TMEM134: variants seen among roughly 807,000 people sequenced by gnomAD.
The protein encoded by TMEM134 is transmembrane protein 134.
TMEM134 carries 36 observed loss-of-function variants against 26.2 expected under a neutral mutation model. That is an observed-to-expected ratio of 1.37 (90% CI 1.05 to 1.81). The LOEUF (loss-of-function observed/expected upper bound fraction) is 1.81. TMEM134 is among the 40% of genes most tolerant of loss of function. The pLI, the probability that TMEM134 is intolerant of heterozygous loss-of-function variation, is 0.00. For synonymous variants in TMEM134, 133 were observed against 113.6 expected (o/e 1.17, Z -1.08); for missense variants, 339 against 263.5 (o/e 1.29, Z -1.98).
At position 67,464,334 on chromosome 11, in the gene TMEM134, CAGG is replaced by C. The variant is rs57159660; in HGVS notation, c.*277_*279del. The C allele has an allele frequency of 0.047, 24,084 of 515,574 alleles. 4,557 individuals are homozygous for C. The highest frequency in any genetic ancestry group is 0.41 in the African/African-American group (21,328 of 51,722). 31.9% of individuals were successfully genotyped at this position (515,574 alleles called of 1,614,324 possible). A position where few individuals can be genotyped will look rare whatever the true frequency, so the allele number is the denominator to read the frequency against. ...GTGGGCTGGGCTAGCAGTGGCAGGA[CAGG>C]AGGAGAGCAATTGCCTCTGGTGGAA... On this transcript the variant is annotated 3_prime_UTR_variant, in exon 7 of 7. Coordinates refer to ENST00000308022, the MANE Select transcript of TMEM134 (RefSeq NM_025124.4).
intron 4 of TMEM134, chr11:67,465,453 C>A (rs148772280): frequency 1.5e-4 from 42 of 285,194 alleles, no homozygotes; most frequent in African/African-American, 9.0e-4. Flanking sequence ...TGAAAGCTAA[C>A]AGTACAGGTG....
chr11:67,467,803 G>A (rs1450700143), intron 2 of TMEM134: 2 of 655,474 alleles, frequency 3.1e-6, no homozygotes, highest in Non-Finnish European at 2.6e-6. Context: ...ATGAAGGTGG[G>A]GGCCAGACCA....
chr11:67,463,557 CTT>C lies in TMEM134; in HGVS notation c.*1055_*1056del, dbSNP rs11285778. On this transcript the variant is annotated 3_prime_UTR_variant, in exon 7 of 7. Transcript: ENST00000308022. Reference sequence around the variant, plus strand: ...CGCAGGGCCTAGTATATTTTCTTTTCTTTTTTTTTTTTTAAATAGAGATGGGT... The same window carrying C: ...CGCAGGGCCTAGTATATTTTCTTTTCTTTTTTTTTTTAAATAGAGATGGGT... 4.1e-4 allele frequency: 61 copies of C among 147,444 alleles called. No homozygotes were observed. Among genetic ancestry groups the C allele is most frequent in the African/African-American group, 8.5e-4 (34 of 40,200 alleles). The allele number at this position is 147,444 out of a possible 1,614,324, so 9.1% of individuals were successfully genotyped here. A position where few individuals can be genotyped will look rare whatever the true frequency, so the allele number is the denominator to read the frequency against.
Position 67,462,182 on chromosome 11 carries a change from A to G in TMEM134, c.*2432T>C, listed in dbSNP as rs913691928. ...GACTCGTCTCAAAAAAAAAACAAAA[A>G]AAAAAAAAACAAGGAGTAAAAAGTT... On this transcript the variant is annotated 3_prime_UTR_variant, in exon 7 of 7. Transcript: ENST00000308022. 1 of 151,644 alleles carries G rather than the reference A, an allele frequency of 6.6e-6. No individual in the cohort carries two copies. The highest frequency in any genetic ancestry group is 2.1e-4 in the South Asian group (1 of 4,800). The allele number at this position is 151,644 out of a possible 1,614,324, so 9.4% of individuals were successfully genotyped here. A position where few individuals can be genotyped will look rare whatever the true frequency, so the allele number is the denominator to read the frequency against.
chr11:67,464,325 G>A lies in TMEM134; in HGVS notation c.*289C>T, dbSNP rs761377193. ...GTCAGGCTGGTGGGCTGGGCTAGCA[G>A]TGGCAGGACAGGAGGAGAGCAATTG... On this transcript the variant is annotated 3_prime_UTR_variant, in exon 7 of 7. Transcript: ENST00000308022. 1.0e-5 allele frequency: 5 copies of A among 492,930 alleles called. No homozygotes were observed. Among genetic ancestry groups the A allele is most frequent in the Non-Finnish European group, 1.5e-5 (4 of 275,590 alleles). 30.5% of individuals were successfully genotyped at this position (492,930 alleles called of 1,614,324 possible).
At chr11:67,465,156 C>T in intron 4 of TMEM134, 56 bp from the exon 5 acceptor site, 3 of 1,534,650 alleles carry the variant, frequency 2.0e-6, no homozygotes, top group Non-Finnish European at 2.6e-6. Context: ...AGGGCGGGGG[C>T]TCCCACCCCC....
chr11:67,468,993 G>A (rs1158733637), intron 1 of TMEM134, 26 bp downstream of exon 1: 3 of 1,459,844 alleles, frequency 2.1e-6, no homozygotes, highest in South Asian at 1.3e-5. Flanking sequence ...CCGGGGGCAG[G>A]GGGTTAGGTG....
Position 67,464,842 on chromosome 11 carries a change from T to A in TMEM134, c.466A>T (p.Ile156Phe). 2 of 1,610,370 alleles carry A rather than the reference T, an allele frequency of 1.2e-6. No individual in the cohort carries two copies. Among genetic ancestry groups the A allele is most frequent in the East Asian group, 2.2e-5 (1 of 44,852 alleles). Residue 156 changes from isoleucine (I) to phenylalanine (F), a missense_variant, in exon 6 of 7, where the codon ATC becomes TTC. Physicochemically the swap from Ile to Phe is conservative, Grantham distance 21 (BLOSUM62 0). Coordinates refer to ENST00000308022, the MANE Select transcript of TMEM134 (RefSeq NM_025124.4). ...ATPSPGVSSAIFFVPGFLLLV... is the reference protein window; with the variant it reads ...ATPSPGVSSAFFFVPGFLLLV... ...AACAGGAAGCCCGGCACGAAGAAGA[T>A]GGCGCTGGAGACACCTGCGGGAGGG...
rs1865111390 is a variant in TMEM134 at position 67,464,511 on chromosome 11, G to A, written c.*103C>T. ...TCCTGAGCAAACTCCCTAGGGGCTGGGGTTTCGAGGGTCCTGGAGGGCCTC... is the reference window on the plus strand; with the variant it reads ...TCCTGAGCAAACTCCCTAGGGGCTGAGGTTTCGAGGGTCCTGGAGGGCCTC... On this transcript the variant is annotated 3_prime_UTR_variant, in exon 7 of 7. Coordinates refer to ENST00000308022, the MANE Select transcript of TMEM134 (RefSeq NM_025124.4). 1.6e-6 allele frequency: 2 copies of A among 1,235,658 alleles called. No individual in the cohort carries two copies. The highest frequency in any genetic ancestry group is 1.3e-5 in the South Asian group (1 of 76,652). 76.5% of individuals were successfully genotyped at this position (1,235,658 alleles called of 1,614,324 possible).
intron 5 of TMEM134, 57 bp from the exon 6 acceptor site, chr11:67,464,913 C>CG: frequency 6.3e-7 from 1 of 1,593,642 alleles, no homozygotes. Context: ...CGAGGCCTTC[C>CG]GGGCTGCCGC....
chr11:67,468,144 A>C (rs1408078914), intron 1 of TMEM134, 52 bp from the exon 2 acceptor site: 1 of 1,505,542 alleles, frequency 6.6e-7, no homozygotes, highest in Non-Finnish European at 9.0e-7. Context: ...GCCCTTCCTC[A>C]CTCCCTCCCG....
At chr11:67,467,145 C>T in intron 4 of TMEM134, 167 bp downstream of exon 4, 2 of 631,852 alleles carry the variant, frequency 3.2e-6, no homozygotes, top group Non-Finnish European at 5.5e-6. Flanking sequence ...GCCCAGGTCA[C>T]AAGGCCTCTG....
rs77475004 is a variant in TMEM134, at chr11:67,462,180, A to G, written c.*2434T>C. ...GAGACTCGTCTCAAAAAAAAAACAA[A>G]AAAAAAAAAAACAAGGAGTAAAAAG... On this transcript the variant is annotated 3_prime_UTR_variant, in exon 7 of 7. Coordinates refer to ENST00000308022, the MANE Select transcript of TMEM134 (RefSeq NM_025124.4). 1 of 146,990 alleles carries G rather than the reference A, an allele frequency of 6.8e-6. No individual in the cohort carries two copies. Among genetic ancestry groups the G allele is most frequent in the African/African-American group, 2.7e-5 (1 of 37,706 alleles). The allele number at this position is 146,990 out of a possible 1,614,324, so 9.1% of individuals were successfully genotyped here.
In TMEM134 at chr11:67,464,498, T is replaced by A; in HGVS notation, c.*116A>T. 9.0e-7 allele frequency: 1 copy of A among 1,111,174 alleles called. No individual in the cohort carries two copies. Among genetic ancestry groups the A allele is most frequent in the Non-Finnish European group, 1.3e-6 (1 of 762,218 alleles). The allele number at this position is 1,111,174 out of a possible 1,614,324, so 68.8% of individuals were successfully genotyped here. A position where few individuals can be genotyped will look rare whatever the true frequency, so the allele number is the denominator to read the frequency against. ...CATGCCCCGAACTTCCTGAGCAAAC[T>A]CCCTAGGGGCTGGGGTTTCGAGGGT... On this transcript the variant is annotated 3_prime_UTR_variant, in exon 7 of 7. Coordinates refer to ENST00000308022, the MANE Select transcript of TMEM134 (RefSeq NM_025124.4).
In TMEM134 at chr11:67,462,144, TG is replaced by T. The variant is rs1463862898; in HGVS notation, c.*2469del. On this transcript the variant is annotated 3_prime_UTR_variant, in exon 7 of 7. Coordinates refer to ENST00000308022, the MANE Select transcript of TMEM134 (RefSeq NM_025124.4). The stretch of plus-strand genomic sequence containing the variant: ...GAGATCGGGCCACTGCACTCCAGCC[TG>T]GGAGACAGTGAGACTCGTCTCAAAA... 7.5e-6 allele frequency: 1 copy of T among 132,702 alleles called. No homozygotes were observed. The highest frequency in any genetic ancestry group is 3.0e-5 in the African/African-American group (1 of 33,556). The allele number at this position is 132,702 out of a possible 1,614,324, so 8.2% of individuals were successfully genotyped here. A position where few individuals can be genotyped will look rare whatever the true frequency, so the allele number is the denominator to read the frequency against.
rs1164899572 is a variant in TMEM134, at chr11:67,464,860, C to T, written c.452-4G>A. 1.9e-6 allele frequency: 3 copies of T among 1,610,348 alleles called. No individual in the cohort carries two copies. The highest frequency in any genetic ancestry group is 2.2e-5 in the South Asian group (2 of 90,934). On this transcript the variant is annotated splice_polypyrimidine_tract_variant and splice_region_variant and intron_variant, in intron 5 of 6. Transcript: ENST00000308022. The stretch of plus-strand genomic sequence containing the variant: ...AAGAAGATGGCGCTGGAGACACCTG[C>T]GGGAGGGACCAGAGCCCGGTCAGGG...
chr11:67,462,499 G>A lies in TMEM134; in HGVS notation c.*2115C>T, dbSNP rs1206798143. ...CTCCTGAGTAGCTGGGATTACAGGT[G>A]CGCACCACCATGCCCGGTAATTTTT... is the stretch of plus-strand genomic sequence containing the variant. On this transcript the variant is annotated 3_prime_UTR_variant, in exon 7 of 7. Coordinates refer to ENST00000308022, the MANE Select transcript of TMEM134 (RefSeq NM_025124.4). 7 of 151,246 alleles carry A rather than the reference G, an allele frequency of 4.6e-5. No individual in the cohort carries two copies. The highest frequency in any genetic ancestry group is 1.7e-4 in the African/African-American group (7 of 41,156). The allele number at this position is 151,246 out of a possible 1,614,324, so 9.4% of individuals were successfully genotyped here.
Position 67,464,541 on chromosome 11 carries a change from C to T in TMEM134, c.*73G>A. On this transcript the variant is annotated 3_prime_UTR_variant, in exon 7 of 7. Coordinates refer to ENST00000308022, the MANE Select transcript of TMEM134 (RefSeq NM_025124.4). ...TCGAGGGTCCTGGAGGGCCTCTTCC[C>T]TTGAGATGAGGGGAACGGAACAGGG... The T allele has an allele frequency of 1.3e-6, 2 of 1,490,344 alleles. No individual in the cohort carries two copies. The highest frequency in any genetic ancestry group is 1.2e-5 in the South Asian group (1 of 82,718). 92.3% of individuals were successfully genotyped at this position (1,490,344 alleles called of 1,614,324 possible). A position where few individuals can be genotyped will look rare whatever the true frequency, so the allele number is the denominator to read the frequency against.
At chr11:67,465,215 C>T (rs1265240157) in intron 4 of TMEM134, 115 bp from the exon 5 acceptor site, 1 of 1,530,818 alleles carries the variant, frequency 6.5e-7, no homozygotes, top group Non-Finnish European at 8.7e-7. Context: ...GGCAGAGACC[C>T]TCCCCAGGAA....
Sources: allele counts gnomAD v4.1 joint callset, GRCh38; gene constraint gnomAD v4.1.1; transcripts MANE v1.5; gene names NCBI Gene and HGNC (gene_info 2026-07-23, HGNC 2026-07-21).